The following EMID1 variants were observed in gnomAD, a reference collection of about 807,000 sequenced individuals.
EMID1 encodes EMI domain containing 1, also known as EMI domain-containing protein 1.
Under a neutral mutation model 60.6 loss-of-function variants are expected in EMID1, and 40 were observed. That is an observed-to-expected ratio of 0.66 (90% CI 0.51 to 0.86). The LOEUF is 0.86. EMID1 is among the 40% of genes least tolerant of loss of function. The probability of loss-of-function intolerance (pLI) is 0.00; values close to 1 mark genes in which losing one functional copy is unlikely to be tolerated. For missense variants in EMID1, 585 were observed against 597.1 expected (o/e 0.98, Z 0.21); for synonymous variants, 242 against 231.0 (o/e 1.05, Z -0.43).
intron 1 of EMID1, among the ~76,000 whole-genome samples, chr22:29,213,313 T>G (rs2146127836): frequency 6.6e-6 from 1 of 152,308 alleles, no homozygotes; most frequent in East Asian, 1.9e-4. Flanking sequence ...GATGGTGCCA[T>G]GGCAGGCACC....
At chr22:29,256,744 G>A (rs1174976150) in intron 14 of EMID1, among the ~76,000 whole-genome samples, 6 of 152,232 alleles carry the variant, frequency 3.9e-5, no homozygotes, top group Middle Eastern at 3.4e-3. Context: ...AAGGCTTCTT[G>A]GAAGAGGGGA....
At chr22:29,253,440 G>A (rs1468716863) in intron 13 of EMID1, among the ~76,000 whole-genome samples, 1 of 152,136 alleles carries the variant, frequency 6.6e-6, no homozygotes, top group Non-Finnish European at 1.5e-5. Context: ...AAGTTAGCTG[G>A]GTGTGGTGGT....
At position 29,231,055 on chromosome 22, in the gene EMID1, T is replaced by G; in HGVS notation, c.501T>G (p.Pro167=). ...TMLTVIEQPV[P]PTPATPEDPA... ...TGACTGTCATAGAGCAGCCAGTACC[T>G]CCAACACCAGCTACCCCTGAGGACC... is the stretch of plus-strand genomic sequence containing the variant. Residue 167 remains proline, a synonymous_variant, in exon 6 of 15, where the codon CCT becomes CCG. Coordinates refer to ENST00000334018, the MANE Select transcript of EMID1 (RefSeq NM_133455.4). The G allele has an allele frequency of 6.2e-7, 1 of 1,613,892 alleles. No individual in the cohort carries two copies. Among genetic ancestry groups the G allele is most frequent in the Non-Finnish European group, 8.5e-7 (1 of 1,179,898 alleles).
At chr22:29,227,348 C>T (rs951855589) in intron 5 of EMID1, among the ~76,000 whole-genome samples, 1 of 151,976 alleles carries the variant, frequency 6.6e-6, no homozygotes, top group South Asian at 2.1e-4. Context: ...TCTTGGCCTC[C>T]CAAAGTGCTG....
chr22:29,243,849 A>G (rs1239016171), intron 13 of EMID1, among the ~76,000 whole-genome samples: 1 of 152,214 alleles, frequency 6.6e-6, no homozygotes, highest in Non-Finnish European at 1.5e-5. Flanking sequence ...GCCCCCTCCC[A>G]GCCAAGGCTT....
At chr22:29,227,704 C>CAAA (rs560219761) in intron 5 of EMID1, among the ~76,000 whole-genome samples, 14 of 88,942 alleles carry the variant, frequency 1.6e-4, no homozygotes, top group Non-Finnish European at 1.9e-4. Context: ...GACTCTGTCT[C>CAAA]AAAAAAAAAA....
intron 13 of EMID1, among the ~76,000 whole-genome samples, chr22:29,245,671 T>G (rs966865326): frequency 2.0e-5 from 3 of 152,184 alleles, no homozygotes; most frequent in African/African-American, 7.2e-5. Context: ...ACCAACTCCC[T>G]TAGTGCAGCT....
intron 5 of EMID1, among the ~76,000 whole-genome samples, chr22:29,229,763 C>T (rs1204353766): frequency 6.6e-6 from 1 of 152,196 alleles, no homozygotes; most frequent in Non-Finnish European, 1.5e-5. Context: ...TCCCTGAGCT[C>T]CCTCCCAGGA....
chr22:29,246,020 C>T (rs895044633), intron 13 of EMID1, among the ~76,000 whole-genome samples: 1 of 152,226 alleles, frequency 6.6e-6, no homozygotes, highest in African/African-American at 2.4e-5. Flanking sequence ...GGAAAAAAGA[C>T]CTATAATCAG....
chr22:29,208,984 G>A (rs181952275), intron 1 of EMID1, among the ~76,000 whole-genome samples: 173 of 152,350 alleles, frequency 1.1e-3, no homozygotes, highest in African/African-American at 4.0e-3. Context: ...CAAGGTCACC[G>A]ATGTAGGAAG....
intron 5 of EMID1, among the ~76,000 whole-genome samples, 198 bp from the exon 6 acceptor site, chr22:29,230,822 G>T (rs139932194): frequency 2.0e-5 from 3 of 152,284 alleles, no homozygotes; most frequent in Admixed American, 2.0e-4. Context: ...CATGTGTGGT[G>T]GTGCATCCCT....
chr22:29,228,929 G>A (rs2040628640), intron 5 of EMID1, among the ~76,000 whole-genome samples: 1 of 151,554 alleles, frequency 6.6e-6, no homozygotes. Context: ...ATGCAAAAAT[G>A]TTTACCAATA....
chr22:29,232,499 C>G (rs2040789479), intron 8 of EMID1, 97 bp downstream of exon 8: 1 of 1,353,898 alleles, frequency 7.4e-7, no homozygotes, highest in East Asian at 2.5e-5. Context: ...TGTGTGCCAG[C>G]CCTGCTCACG....
intron 14 of EMID1, among the ~76,000 whole-genome samples, chr22:29,256,641 T>C (rs2041717688): frequency 6.6e-6 from 1 of 151,920 alleles, no homozygotes; most frequent in Admixed American, 6.6e-5. Context: ...GAGCTGGCCA[T>C]GAGTGGCAGG....
At chr22:29,256,399 G>A (rs2041707809) in intron 14 of EMID1, among the ~76,000 whole-genome samples, 1 of 151,106 alleles carries the variant, frequency 6.6e-6, no homozygotes, top group Non-Finnish European at 1.5e-5. Flanking sequence ...AAGAGGCAGA[G>A]GTTGCAGTGA....
chr22:29,252,738 T>A (rs2041572012), intron 13 of EMID1, among the ~76,000 whole-genome samples: 1 of 152,102 alleles, frequency 6.6e-6, no homozygotes, highest in South Asian at 2.1e-4. Context: ...CAGTGCCACA[T>A]CCCTGGGGTC....
chr22:29,231,876 TTC>T (rs762331404), intron 7 of EMID1, 194 bp downstream of exon 7: 13 of 561,756 alleles, frequency 2.3e-5, no homozygotes, highest in Non-Finnish European at 3.7e-5. Context: ...CTGACCCACA[TTC>T]CCTGGGCACC....
chr22:29,215,684 C>T (rs2146149031), intron 3 of EMID1, 54 bp downstream of exon 3: 5 of 1,414,772 alleles, frequency 3.5e-6, no homozygotes, highest in Non-Finnish European at 5.0e-6. Flanking sequence ...CAGGTGCCTC[C>T]CTGCAGGTGC....
chr22:29,242,125 G>T (rs2041175795), intron 12 of EMID1, among the ~76,000 whole-genome samples: 2 of 152,174 alleles, frequency 1.3e-5, no homozygotes, highest in South Asian at 4.2e-4. Flanking sequence ...AAATGGGGTT[G>T]CTCAGGTTGG....
Sources: gnomAD v4.1 joint callset for allele counts (sites outside exome capture counted in the v4.1 genomes callset) on GRCh38, gnomAD v4.1.1 for gene constraint, MANE v1.5 for transcripts, NCBI Gene and HGNC (gene_info 2026-07-23, HGNC 2026-07-21) for gene names.